TEKT5: variants seen among roughly 807,000 people sequenced by gnomAD.
TEKT5 encodes tektin 5, also known as tektin-5.
In TEKT5, 52 loss-of-function variants were observed where a neutral mutation model predicts 48.7. That is an observed-to-expected ratio of 1.07 (90% CI 0.86 to 1.35). The LOEUF is 1.35. Among genes scored for constraint, TEKT5 ranks in the 40% most tolerant of loss-of-function variants. The probability of loss-of-function intolerance (pLI) is 0.00; values close to 1 mark genes in which losing one functional copy is unlikely to be tolerated. For missense variants in TEKT5, 831 were observed against 641.6 expected, an observed-to-expected ratio of 1.30 and a Z score of -3.19; for synonymous variants, 318 against 267.6, an observed-to-expected ratio of 1.19 and a Z score of -1.84.
intron 6 of TEKT5, among the ~76,000 whole-genome samples, chr16:10,633,662 C>T (rs1020768337): frequency 2.6e-5 from 4 of 152,174 alleles, no homozygotes; most frequent in African/African-American, 9.7e-5. Flanking sequence ...TCTGCCTCAG[C>T]CTCCTGAGTA....
intron 1 of TEKT5, among the ~76,000 whole-genome samples, chr16:10,691,947 C>CAAAA (rs36117622): frequency 3.9e-5 from 4 of 103,664 alleles, no homozygotes; most frequent in East Asian, 2.6e-4. Flanking sequence ...GAGTCCATCT[C>CAAAA]AAAAAAAAAA....
chr16:10,680,731 T>C (rs1056114134), intron 4 of TEKT5, among the ~76,000 whole-genome samples: 22 of 150,556 alleles, frequency 1.5e-4, no homozygotes, highest in African/African-American at 5.4e-4. Flanking sequence ...AAATTGGAAA[T>C]CATCATTCTC....
chr16:10,676,330 C>A, intron 4 of TEKT5, 149 bp from the exon 5 acceptor site: 4 of 757,954 alleles, frequency 5.3e-6, no homozygotes, highest in Non-Finnish European at 8.6e-6. Flanking sequence ...GCATCCCTGG[C>A]CTCTACCCAC....
At chr16:10,682,732 A>G (rs553602787) in intron 3 of TEKT5, among the ~76,000 whole-genome samples, 4 of 152,344 alleles carry the variant, frequency 2.6e-5, no homozygotes, top group African/African-American at 9.6e-5. Context: ...CAACTACTCA[A>G]CTGTGCACGA....
chr16:10,691,892 G>T (rs1362266617), intron 1 of TEKT5, among the ~76,000 whole-genome samples: 1 of 150,522 alleles, frequency 6.6e-6, no homozygotes, highest in Non-Finnish European at 1.5e-5. Context: ...AGCTTGCAGT[G>T]AGCCGAGATC....
chr16:10,659,595 T>G (rs1179116021), intron 5 of TEKT5, among the ~76,000 whole-genome samples: 2 of 152,060 alleles, frequency 1.3e-5, no homozygotes, highest in Non-Finnish European at 2.9e-5. Flanking sequence ...TAGCCTGACC[T>G]CGTGATCTGC....
chr16:10,688,255 C>T (rs1898898491), intron 3 of TEKT5, among the ~76,000 whole-genome samples: 1 of 152,214 alleles, frequency 6.6e-6, no homozygotes, highest in South Asian at 2.1e-4. Context: ...TTCTAGGGGT[C>T]TCCAATGTGT....
chr16:10,680,983 C>T (rs1425701532), intron 4 of TEKT5, among the ~76,000 whole-genome samples: 2 of 144,274 alleles, frequency 1.4e-5, no homozygotes, highest in African/African-American at 5.1e-5. Context: ...ACATTGTGCA[C>T]ATGTATCCTA....
intron 1 of TEKT5, chr16:10,690,538 T>G (rs1246789525): frequency 1.0e-6 from 1 of 979,860 alleles, no homozygotes; most frequent in Non-Finnish European, 1.2e-6. Flanking sequence ...AGGTTCATTG[T>G]GCAGGTGAAG....
chr16:10,647,449 G>C (rs1898087396), intron 5 of TEKT5, among the ~76,000 whole-genome samples: 1 of 149,718 alleles, frequency 6.7e-6, no homozygotes, highest in Middle Eastern at 3.4e-3. Context: ...CCCAGCCTGG[G>C]TGACAGAGTG....
chr16:10,631,576 T>A (rs1246534445), intron 6 of TEKT5, among the ~76,000 whole-genome samples: 2 of 151,942 alleles, frequency 1.3e-5, no homozygotes, highest in Non-Finnish European at 2.9e-5. Context: ...GGAAATAGGG[T>A]CTTTGCAGCT....
intron 5 of TEKT5, among the ~76,000 whole-genome samples, chr16:10,667,597 C>G (rs1380780431): frequency 6.6e-6 from 1 of 152,224 alleles, no homozygotes; most frequent in African/African-American, 2.4e-5. Flanking sequence ...ATTCACGAAT[C>G]ATTCTTTGCT....
rs189529556 is a variant in TEKT5 at position 10,680,403 on chromosome 16, A to T, written c.863+1590T>A. ...TCCTCCTTCATTCATTCTTCTATTCAATAAAAATTTATTGCATACCAACAT... is the reference window on the plus strand; with the variant it reads ...TCCTCCTTCATTCATTCTTCTATTCTATAAAAATTTATTGCATACCAACAT... On this transcript the variant is annotated intron_variant, in intron 4 of 6. Coordinates refer to ENST00000283025, the MANE Select transcript of TEKT5 (RefSeq NM_144674.2). 3.0e-3 allele frequency among the ~76,000 whole-genome samples: 448 copies of T among 151,710 alleles called. 3 individuals are homozygous for T. Among genetic ancestry groups the T allele is most frequent in the African/African-American group, 0.01 (424 of 41,344 alleles).
At chr16:10,649,644 C>G (rs1374305257) in intron 5 of TEKT5, among the ~76,000 whole-genome samples, 1 of 151,926 alleles carries the variant, frequency 6.6e-6, no homozygotes, top group Non-Finnish European at 1.5e-5. Flanking sequence ...CCAAGTTGCC[C>G]AGGCTAGTCT....
At chr16:10,688,281 C>T (rs941576864) in intron 3 of TEKT5, among the ~76,000 whole-genome samples, 1 of 152,234 alleles carries the variant, frequency 6.6e-6, no homozygotes, top group African/African-American at 2.4e-5. Context: ...CGTGACCAAG[C>T]TCTTTGCTCT....
chr16:10,678,780 A>G (rs558710441), intron 4 of TEKT5, among the ~76,000 whole-genome samples: 1 of 152,358 alleles, frequency 6.6e-6, no homozygotes, highest in South Asian at 2.1e-4. Context: ...CCTCCCCTGC[A>G]GCAGGCAGCT....
chr16:10,643,254 C>T (rs1898021214), intron 5 of TEKT5, among the ~76,000 whole-genome samples: 1 of 151,792 alleles, frequency 6.6e-6, no homozygotes, highest in African/African-American at 2.4e-5. Flanking sequence ...TAGCTGATGT[C>T]TATAGTCCTA....
intron 3 of TEKT5, 140 bp downstream of exon 3, chr16:10,689,113 T>C (rs1021997203): frequency 5.0e-6 from 3 of 597,304 alleles, no homozygotes; most frequent in Non-Finnish European, 8.6e-6. Context: ...AGAAGGCTGG[T>C]TGTTGAACAT....
intron 5 of TEKT5, among the ~76,000 whole-genome samples, chr16:10,666,831 A>T (rs1898467007): frequency 6.6e-6 from 1 of 152,144 alleles, no homozygotes; most frequent in Non-Finnish European, 1.5e-5. Flanking sequence ...TTGAATACTG[A>T]TGCGGGTGTG....
Sources: allele counts gnomAD v4.1 joint callset (sites outside exome capture counted in the v4.1 genomes callset), GRCh38; gene constraint gnomAD v4.1.1; transcripts MANE v1.5; gene names NCBI Gene and HGNC (gene_info 2026-07-23, HGNC 2026-07-21).